ELAVL2: variants seen among roughly 807,000 people sequenced by gnomAD.
ELAVL2 encodes ELAV-like protein 2.
ELAVL2 carries 4 observed loss-of-function variants against 34.6 expected under a neutral mutation model. That is an observed-to-expected ratio of 0.12 (90% confidence interval 0.06 to 0.26). The LOEUF is 0.26. Among genes scored for constraint, ELAVL2 ranks in the 10% least tolerant of loss-of-function variants. The pLI is 1.00. For synonymous variants in ELAVL2, 193 were observed against 154.8 expected, an observed-to-expected ratio of 1.25 and a Z score of -1.83; for missense variants, 432 against 442.8, an observed-to-expected ratio of 0.98 and a Z score of 0.22.
intron 5 of ELAVL2, among the ~76,000 whole-genome samples, chr9:23,697,149 G>A (rs1357779196): frequency 6.6e-6 from 1 of 151,846 alleles, no homozygotes; most frequent in Non-Finnish European, 1.5e-5. Flanking sequence ...GATTAGACTG[G>A]ATAACCTGCT....
intron 1 of ELAVL2, among the ~76,000 whole-genome samples, chr9:23,772,387 A>C (rs978838013): frequency 3.3e-5 from 5 of 152,064 alleles, no homozygotes; most frequent in African/African-American, 7.2e-5. Flanking sequence ...TATGGACAAA[A>C]ATAATGTTTT....
At chr9:23,783,592 C>T (rs1407605778) in intron 1 of ELAVL2, 8 of 721,602 alleles carry the variant, frequency 1.1e-5, no homozygotes, top group Non-Finnish European at 1.4e-5. Context: ...CCTCAAATAT[C>T]AACACATTTG....
At chr9:23,746,792 T>C (rs979359885) in intron 2 of ELAVL2, among the ~76,000 whole-genome samples, 10 of 148,692 alleles carry the variant, frequency 6.7e-5, no homozygotes, top group Non-Finnish European at 3.0e-5. Flanking sequence ...CGAACATCCT[T>C]AGAAGTCTTT....
At chr9:23,786,179 G>A (rs1427796400) in intron 1 of ELAVL2, among the ~76,000 whole-genome samples, 1 of 152,154 alleles carries the variant, frequency 6.6e-6, no homozygotes, top group African/African-American at 2.4e-5. Flanking sequence ...CACATCGTGT[G>A]CACTATTTTT....
intron 1 of ELAVL2, among the ~76,000 whole-genome samples, chr9:23,802,967 CA>C (rs2061751391): frequency 6.6e-6 from 1 of 152,032 alleles, no homozygotes; most frequent in African/African-American, 2.4e-5. Context: ...ACATAACAAA[CA>C]AAAGGTCCTG....
chr9:23,781,107 C>A (rs1027862982), intron 1 of ELAVL2, among the ~76,000 whole-genome samples: 1 of 152,214 alleles, frequency 6.6e-6, no homozygotes, highest in Non-Finnish European at 1.5e-5. Context: ...AGATTTTTCT[C>A]ACTCTGCTAG....
chr9:23,715,876 G>T (rs7850145), intron 3 of ELAVL2, among the ~76,000 whole-genome samples: 1,604 of 152,064 alleles, frequency 0.011, 25 homozygotes, highest in African/African-American at 0.037. Flanking sequence ...GTACCGGTTG[G>T]TAATGTGAAA....
chr9:23,844,715 A>T, the ELAVL2 span, among the ~76,000 whole-genome samples: 1 of 151,986 alleles, frequency 6.6e-6, no homozygotes, highest in Non-Finnish European at 1.5e-5. Flanking sequence ...ATTTTTAAAA[A>T]ATTAAAAGCA....
intron 1 of ELAVL2, among the ~76,000 whole-genome samples, chr9:23,819,083 G>A (rs1284146940): frequency 6.6e-6 from 1 of 152,190 alleles, no homozygotes; most frequent in African/African-American, 2.4e-5. Flanking sequence ...GGTGGCAGGA[G>A]GGGAGGCACA....
At chr9:23,717,726 T>A (rs2042675723) in intron 3 of ELAVL2, among the ~76,000 whole-genome samples, 1 of 152,196 alleles carries the variant, frequency 6.6e-6, no homozygotes, top group African/African-American at 2.4e-5. Context: ...TATATCCAAA[T>A]AATGGTCATA....
intron 1 of ELAVL2, among the ~76,000 whole-genome samples, chr9:23,770,603 TG>T (rs1467379563): frequency 1.3e-4 from 20 of 152,242 alleles, no homozygotes; most frequent in Admixed American, 1.1e-3. Context: ...AGGACATTGC[TG>T]GCTTTAAATG....
intron 1 of ELAVL2, among the ~76,000 whole-genome samples, chr9:23,787,656 C>G (rs1323621605): frequency 6.6e-6 from 1 of 152,030 alleles, no homozygotes; most frequent in Non-Finnish European, 1.5e-5. Flanking sequence ...CTCTTTGCAC[C>G]ACACATCAAT....
At chr9:23,715,412 C>T (rs927973416) in intron 3 of ELAVL2, among the ~76,000 whole-genome samples, 10 of 151,842 alleles carry the variant, frequency 6.6e-5, no homozygotes, top group Non-Finnish European at 1.2e-4. Context: ...CCTCCCAAAG[C>T]GCTGGGATTA....
At chr9:23,814,053 C>T (rs1298670522) in intron 1 of ELAVL2, among the ~76,000 whole-genome samples, 1 of 152,136 alleles carries the variant, frequency 6.6e-6, no homozygotes, top group Non-Finnish European at 1.5e-5. Context: ...AGAAGCAATA[C>T]ATTTGGCTCC....
intron 1 of ELAVL2, among the ~76,000 whole-genome samples, chr9:23,774,861 C>T (rs559182792): frequency 2.0e-5 from 3 of 151,880 alleles, no homozygotes; most frequent in South Asian, 2.1e-4. Flanking sequence ...ACGATTATAC[C>T]CTAGAATCTA....
At chr9:23,783,865 A>C (rs545753521) in intron 1 of ELAVL2, among the ~76,000 whole-genome samples, 9 of 152,120 alleles carry the variant, frequency 5.9e-5, no homozygotes, top group African/African-American at 1.9e-4. Flanking sequence ...GGTTCAAATA[A>C]AGGGCAAAGT....
chr9:23,789,590 T>A (rs1431513023), intron 1 of ELAVL2, among the ~76,000 whole-genome samples: 1 of 152,184 alleles, frequency 6.6e-6, no homozygotes, highest in African/African-American at 2.4e-5. Context: ...TATTCAACTT[T>A]CATTTTCACA....
At chr9:23,772,507 C>T (rs894370333) in intron 1 of ELAVL2, among the ~76,000 whole-genome samples, 1 of 130,662 alleles carries the variant, frequency 7.7e-6, no homozygotes, top group Admixed American at 8.6e-5. Flanking sequence ...CCAAATGCTA[C>T]ACTGTTTAAC....
chr9:23,712,514 A>G (rs531328559), intron 3 of ELAVL2, among the ~76,000 whole-genome samples: 1 of 152,316 alleles, frequency 6.6e-6, no homozygotes, highest in African/African-American at 2.4e-5. Flanking sequence ...AGAATTATTT[A>G]GGAGATGTTG....
Sources: allele counts gnomAD v4.1 joint callset (sites outside exome capture counted in the v4.1 genomes callset), GRCh38; gene constraint gnomAD v4.1.1; transcripts MANE v1.5; gene names NCBI Gene and HGNC (gene_info 2026-07-23, HGNC 2026-07-21).